GCDH: variants seen among roughly 807,000 people sequenced by gnomAD.
The protein encoded by GCDH is glutaryl-CoA dehydrogenase.
A neutral mutation model predicts 52.8 loss-of-function variants in GCDH; 31 were observed. The observed-to-expected ratio is 0.59, with a 90% CI of 0.44 to 0.79. The LOEUF (loss-of-function observed/expected upper bound fraction) is 0.79, where lower values mean the gene tolerates loss of function less well. GCDH is among the 30% of genes least tolerant of loss of function. The probability of loss-of-function intolerance (pLI) is 0.00; values close to 1 mark genes in which losing one functional copy is unlikely to be tolerated. For synonymous variants in GCDH, 242 were observed against 250.0 expected, an observed-to-expected ratio of 0.97 and a Z score of 0.30; for missense variants, 509 against 595.0, an observed-to-expected ratio of 0.86 and a Z score of 1.50.
In GCDH at chr19:12,896,465, G is replaced by C. The variant is rs1173557860; in HGVS notation, c.852+44G>C. The C allele has an allele frequency of 2.1e-6, 3 of 1,456,522 alleles. No homozygotes were observed. Among genetic ancestry groups the C allele is most frequent in the South Asian group, 2.3e-5 (2 of 85,622 alleles). 90.2% of individuals were successfully genotyped at this position (1,456,522 alleles called of 1,614,324 possible). ...GGGAATGGGTGTTGGGTCACCTGCG[G>C]ATGCGGCTTTGTCAGGCAGGCTCCG... is the stretch of plus-strand genomic sequence containing the variant. On this transcript the variant is annotated intron_variant, in intron 8 of 11. Transcript: ENST00000222214. This position sits in a 1 kb window ranked among gnomAD's most constrained non-coding sequence, Gnocchi z 5.5.
chr19:12,899,344 G>A, intron 11 of GCDH, 124 bp from the exon 12 acceptor site: 3 of 1,613,832 alleles, frequency 1.9e-6, no homozygotes, highest in South Asian at 2.2e-5. Context: ...GCAGCTGTCA[G>A]CATTCACCAT....
chr19:12,891,750 G>T, intron 3 of GCDH, 81 bp from the exon 4 acceptor site: 1 of 1,607,720 alleles, frequency 6.2e-7, no homozygotes, highest in Non-Finnish European at 8.5e-7. Context: ...CATGGGTGTT[G>T]GGGGGTAGGG....
rs754841881 is a variant in GCDH at position 12,896,005 on chromosome 19, C to T, written c.519C>T (p.Leu173=). ...KYLPQLAKGE[L]LGCFGLTEPN... ...TTGTGCCTGCAGCCAAGGGGGAGCTCCTGGGCTGCTTCGGGCTCACAGAGC... is the reference window on the plus strand; with the variant it reads ...TTGTGCCTGCAGCCAAGGGGGAGCTTCTGGGCTGCTTCGGGCTCACAGAGC... The change falls in exon 7 of 12, where the codon CTC becomes CTT. Residue 173 remains leucine (L), a synonymous_variant. Coordinates refer to ENST00000222214, the MANE Select transcript of GCDH (RefSeq NM_000159.4). This position sits in a 1 kb window ranked among gnomAD's most constrained non-coding sequence, Gnocchi z 5.5. 6.2e-7 allele frequency: 1 copy of T among 1,614,072 alleles called. No homozygotes were observed. The highest frequency in any genetic ancestry group is 8.5e-7 in the Non-Finnish European group (1 of 1,180,006).
In GCDH at chr19:12,899,707, G is replaced by C. The variant is rs369596800; in HGVS notation, c.*166G>C. On this transcript the variant is annotated 3_prime_UTR_variant, in exon 12 of 12. Transcript: ENST00000222214. ...AAAATTTCCCTTCTGAAGTCGTTCA[G>C]ATGTGTTCCTTAAAAAGAAGATGGA... The C allele has an allele frequency of 3.6e-5, 58 of 1,612,224 alleles. No individual in the cohort carries two copies. The highest frequency in any genetic ancestry group is 4.7e-5 in the Non-Finnish European group (55 of 1,179,334).
chr19:12,896,464 G>A lies in GCDH; in HGVS notation c.852+43G>A, dbSNP rs763925824. On this transcript the variant is annotated intron_variant, in intron 8 of 11. Coordinates refer to ENST00000222214, the MANE Select transcript of GCDH (RefSeq NM_000159.4). The surrounding 1 kb of genome is among the most constrained non-coding windows in gnomAD (Gnocchi z 5.5). ...TGGGAATGGGTGTTGGGTCACCTGC[G>A]GATGCGGCTTTGTCAGGCAGGCTCC... 27 of 1,458,174 alleles carry A rather than the reference G, an allele frequency of 1.9e-5. No homozygotes were observed. Among genetic ancestry groups the A allele is most frequent in the African/African-American group, 4.2e-5 (3 of 71,856 alleles). 90.3% of individuals were successfully genotyped at this position (1,458,174 alleles called of 1,614,324 possible).
chr19:12,895,409 G>C (rs1173181628), intron 6 of GCDH, among the ~76,000 whole-genome samples: 1 of 151,888 alleles, frequency 6.6e-6, no homozygotes, highest in Non-Finnish European at 1.5e-5. Context: ...GCAGGTGCTT[G>C]CTACCCGTGC....
At chr19:12,894,815 G>C (rs574802028) in intron 6 of GCDH, 1 of 633,766 alleles carries the variant, frequency 1.6e-6, no homozygotes, top group African/African-American at 1.9e-5. Context: ...GGGACAAATC[G>C]TGAAGAGACG....
intron 11 of GCDH, chr19:12,898,453 G>C (rs1027793018): frequency 1.3e-5 from 2 of 158,172 alleles, no homozygotes; most frequent in African/African-American, 4.8e-5. Context: ...TCCAGACAGA[G>C]AGAACAGCAA....
rs121434373 is a variant in GCDH, at chr19:12,896,249, G to A, written c.680G>A (p.Arg227Gln). The A allele has an allele frequency of 8.1e-6, 13 of 1,612,232 alleles. No homozygotes were observed. Among genetic ancestry groups the A allele is most frequent in the African/African-American group, 5.4e-5 (4 of 74,254 alleles). Residue 227 changes from arginine to glutamine, a missense_variant, in exon 8 of 12, where the codon CGG becomes CAG. Transcript: ENST00000222214. This position sits in a 1 kb window ranked among gnomAD's most constrained non-coding sequence, Gnocchi z 5.5. ...GCCGATCTGTTTGTAGTGTGGGCTC[G>A]GTGTGAAGATGGCTGCATTCGGGGC... Reference protein sequence around the residue: ...PMADLFVVWARCEDGCIRGFL... With the variant: ...PMADLFVVWAQCEDGCIRGFL...
At chr19:12,899,440 A>C (rs770133763) in intron 11 of GCDH, 28 bp from the exon 12 acceptor site, 1 of 1,614,172 alleles carries the variant, frequency 6.2e-7, no homozygotes, top group Admixed American at 1.7e-5. Flanking sequence ...TGAAAACTCC[A>C]AACCGACTCT....
chr19:12,894,295 G>A (rs925662184), intron 6 of GCDH: 14 of 834,026 alleles, frequency 1.7e-5, no homozygotes, highest in Admixed American at 1.4e-4. Context: ...AATCAGTGGT[G>A]GGAACAATAA....
Position 12,891,394 on chromosome 19 carries a change from C to A in GCDH, c.90C>A (p.Thr30=), listed in dbSNP as rs754922275. The A allele has an allele frequency of 3.1e-6, 5 of 1,614,114 alleles. No individual in the cohort carries two copies. The Admixed American group carries it at 8.3e-5, about 27-fold the overall frequency. ...LRTWVSSAAQ[T]EKGGRTQSQL... is the part of the protein sequence containing the mutation. ...CGTGGGTCTCGTCGGCGGCGCAGAC[C>A]GGTCAGTGTGGGGTCGGGAGTGTGG... is the stretch of plus-strand genomic sequence containing the variant. Residue 30 remains threonine (T), a splice_region_variant and synonymous_variant, in exon 2 of 12, where the codon ACC becomes ACA. Coordinates refer to ENST00000222214, the MANE Select transcript of GCDH (RefSeq NM_000159.4).
In GCDH at chr19:12,897,016, G is replaced by C; in HGVS notation, c.956+3G>C. Reference sequence around the variant, plus strand: ...GCCCGGCAGTACGCCCTCGACAGGTGTGTGAGGGCTGCAGTGAGATTCTCT... The same window carrying C: ...GCCCGGCAGTACGCCCTCGACAGGTCTGTGAGGGCTGCAGTGAGATTCTCT... On this transcript the variant is annotated splice_donor_region_variant and intron_variant, in intron 9 of 11. Coordinates refer to ENST00000222214, the MANE Select transcript of GCDH (RefSeq NM_000159.4). 1 of 1,603,562 alleles carries C rather than the reference G, an allele frequency of 6.2e-7. No homozygotes were observed. The highest frequency in any genetic ancestry group is 8.5e-7 in the Non-Finnish European group (1 of 1,172,160).
intron 6 of GCDH, 97 bp downstream of exon 6, chr19:12,893,750 C>A: frequency 8.5e-7 from 1 of 1,181,884 alleles, no homozygotes; most frequent in Non-Finnish European, 1.3e-6. Context: ...CTGTCCCTAT[C>A]TCAAAGATAG....
chr19:12,897,911 A>AG, intron 11 of GCDH, 48 bp downstream of exon 11: 1 of 1,518,164 alleles, frequency 6.6e-7, no homozygotes, highest in Non-Finnish European at 9.1e-7. Context: ...GTGTCTGGGG[A>AG]GGGGGTACAG....
intron 6 of GCDH, among the ~76,000 whole-genome samples, chr19:12,895,304 G>C (rs1273260523): frequency 1.3e-5 from 2 of 152,078 alleles, no homozygotes; most frequent in African/African-American, 4.8e-5. Context: ...CCGTCCCCCA[G>C]GCTGAAGTGC....
intron 9 of GCDH, 120 bp from the exon 10 acceptor site, chr19:12,897,183 G>A: frequency 7.3e-7 from 1 of 1,367,798 alleles, no homozygotes; most frequent in Non-Finnish European, 1.0e-6. Context: ...GGCAGGGCCA[G>A]GGCAAGCTTG....
chr19:12,899,776 A>C lies in GCDH; in HGVS notation c.*235A>C. The C allele has an allele frequency of 6.2e-7, 1 of 1,604,164 alleles. No individual in the cohort carries two copies. ...CAATCCACTTTTAACCATGGATGAG[A>C]GCAGACTCCATTTACCCTGAAATAG... On this transcript the variant is annotated 3_prime_UTR_variant, in exon 12 of 12. Transcript: ENST00000222214.
intron 6 of GCDH, chr19:12,894,598 G>A: frequency 1.5e-6 from 1 of 665,766 alleles, no homozygotes; most frequent in South Asian, 1.8e-5. Context: ...ATGTCTGCCA[G>A]TATGTTGTAA....
Sources: gnomAD v4.1 joint callset for allele counts (sites outside exome capture counted in the v4.1 genomes callset) on GRCh38, gnomAD v4.1.1 for gene constraint, Gnocchi (gnomAD v3.1) non-coding constraint, MANE v1.5 for transcripts, NCBI Gene and HGNC (gene_info 2026-07-23, HGNC 2026-07-21) for gene names.